WWP2: variants seen among roughly 807,000 people sequenced by gnomAD.
The protein encoded by WWP2 is WW domain containing E3 ubiquitin protein ligase 2.
In WWP2, 57 loss-of-function variants were observed where a neutral mutation model predicts 121.0. The ratio of observed to expected loss-of-function variants is 0.47; its 90% CI spans 0.38 to 0.59. The LOEUF is 0.59. Among genes scored for constraint, WWP2 ranks in the 20% least tolerant of loss-of-function variants. WWP2 has a pLI of 0.00. For synonymous variants in WWP2, 449 were observed against 441.3 expected (o/e 1.02, Z -0.22); for missense variants, 962 against 1,158.9 (o/e 0.83, Z 2.47).
chr16:69,874,597 T>C (rs936415059), intron 7 of WWP2, among the ~76,000 whole-genome samples: 3 of 152,256 alleles, frequency 2.0e-5, no homozygotes, highest in Admixed American at 6.5e-5. Context: ...TCTGTATAAA[T>C]ATTATATTTC....
intron 4 of WWP2, among the ~76,000 whole-genome samples, chr16:69,835,866 G>T (rs749522041): frequency 1.0e-3 from 153 of 150,488 alleles, no homozygotes; most frequent in Non-Finnish European, 1.8e-3. Flanking sequence ...GTGGTGGCAC[G>T]ATCCTGGCTC....
intron 1 of WWP2, among the ~76,000 whole-genome samples, chr16:69,778,144 T>C (rs1039686368): frequency 6.9e-5 from 10 of 145,718 alleles, no homozygotes; most frequent in Admixed American, 4.9e-4. Flanking sequence ...CACACACACA[T>C]ATATACATAC....
intron 4 of WWP2, among the ~76,000 whole-genome samples, chr16:69,833,819 C>A (rs1337871019): frequency 6.6e-6 from 1 of 152,174 alleles, no homozygotes; most frequent in Non-Finnish European, 1.5e-5. Context: ...CTGTTTGCAG[C>A]CCCTGCCTGT....
Position 69,806,581 on chromosome 16 carries a change from T to C in WWP2, c.340+7286T>C, listed in dbSNP as rs563645829. Among the ~76,000 whole-genome samples the C allele has an allele frequency of 2.3e-4, 35 of 152,198 alleles. No homozygotes were observed. In the South Asian group the frequency reaches 2.7e-3, roughly 12 times the overall value. ...CTTTGATGACTTTTTTTTTCAGTTTTCCCCCCCATAATTACTGGTTTGTTC... is the reference window on the plus strand; with the variant it reads ...CTTTGATGACTTTTTTTTTCAGTTTCCCCCCCCATAATTACTGGTTTGTTC... On this transcript the variant is annotated intron_variant, in intron 4 of 23. Coordinates refer to ENST00000359154, the MANE Select transcript of WWP2 (RefSeq NM_001270454.2).
intron 1 of WWP2, among the ~76,000 whole-genome samples, chr16:69,770,978 A>G (rs1018276545): frequency 8.6e-5 from 13 of 151,978 alleles, no homozygotes; most frequent in Non-Finnish European, 1.5e-5. Flanking sequence ...ATTAAAAAAA[A>G]AAAAAAAAGG....
Position 69,806,953 on chromosome 16 carries a change from T to TATTCATTC in WWP2, c.340+7690_340+7697dup, listed in dbSNP as rs200681828. On this transcript the variant is annotated intron_variant, in intron 4 of 23. Transcript: ENST00000359154. ...GATCTGTTTTATTTATTTATTTATT[T>TATTCATTC]ATTCATTCATTCATTCATTCATTCA... Among the ~76,000 whole-genome samples, 1,297 of 146,162 alleles carry TATTCATTC rather than the reference T, an allele frequency of 8.9e-3. 8 individuals carry two copies. Among genetic ancestry groups the TATTCATTC allele is most frequent in the Non-Finnish European group, 0.011 (716 of 66,634 alleles).
chr16:69,776,631 A>G (rs1465925514), intron 1 of WWP2, among the ~76,000 whole-genome samples: 1 of 152,140 alleles, frequency 6.6e-6, no homozygotes, highest in East Asian at 1.9e-4. Context: ...GGTGTTCGAG[A>G]CCAGCCTTAA....
intron 9 of WWP2, among the ~76,000 whole-genome samples, chr16:69,915,452 C>A (rs1477655919): frequency 1.3e-5 from 2 of 152,128 alleles, no homozygotes; most frequent in African/African-American, 4.8e-5. Context: ...GTGGTGCACA[C>A]CTGAGACTAC....
chr16:69,831,803 T>A (rs1160118696), intron 4 of WWP2, among the ~76,000 whole-genome samples: 1 of 151,616 alleles, frequency 6.6e-6, no homozygotes, highest in Non-Finnish European at 1.5e-5. Context: ...ACCTTAGGCA[T>A]GCTGGCATGG....
chr16:69,821,933 A>G (rs1427616706), intron 4 of WWP2, among the ~76,000 whole-genome samples: 1 of 151,838 alleles, frequency 6.6e-6, no homozygotes, highest in Non-Finnish European at 1.5e-5. Context: ...GTGCAGTGCC[A>G]TCATAGCTCA....
intron 10 of WWP2, among the ~76,000 whole-genome samples, chr16:69,922,993 G>A (rs540001924): frequency 1.1e-4 from 16 of 152,128 alleles, no homozygotes; most frequent in African/African-American, 3.9e-4. Flanking sequence ...GGGTTTAAGC[G>A]ATTATCCTGC....
At chr16:69,814,232 G>A (rs2056448486) in intron 4 of WWP2, among the ~76,000 whole-genome samples, 1 of 152,064 alleles carries the variant, frequency 6.6e-6, no homozygotes, top group Admixed American at 6.6e-5. Flanking sequence ...GTGATCATAG[G>A]TAACTGTAGC....
intron 4 of WWP2, among the ~76,000 whole-genome samples, chr16:69,801,536 A>T (rs1381706943): frequency 1.3e-5 from 2 of 151,608 alleles, no homozygotes; most frequent in Non-Finnish European, 2.9e-5. Flanking sequence ...CGTCTGGCCA[A>T]TTAATTAATT....
chr16:69,940,007 A>T lies in WWP2; in HGVS notation c.*67A>T. 7.3e-7 allele frequency: 1 copy of T among 1,366,418 alleles called. No individual in the cohort carries two copies. Among genetic ancestry groups the T allele is most frequent in the Non-Finnish European group, 1.0e-6 (1 of 982,998 alleles). The allele number at this position is 1,366,418 out of a possible 1,614,324, so 84.6% of individuals were successfully genotyped here. A position where few individuals can be genotyped will look rare whatever the true frequency, so the allele number is the denominator to read the frequency against. On this transcript the variant is annotated 3_prime_UTR_variant, in exon 24 of 24. Coordinates refer to ENST00000359154, the MANE Select transcript of WWP2 (RefSeq NM_001270454.2). ...CTGAGTCCTCCCTGCCTGAGAGGCC[A>T]CTGGCCCCGCAGCCCTTGGGAGGCC...
intron 4 of WWP2, among the ~76,000 whole-genome samples, chr16:69,802,632 G>A (rs1263723253): frequency 6.8e-6 from 1 of 147,890 alleles, no homozygotes; most frequent in African/African-American, 2.5e-5. Context: ...ACAGGGTCTC[G>A]CACTGTCGCT....
chr16:69,815,473 C>T (rs1476792539), intron 4 of WWP2, among the ~76,000 whole-genome samples: 1 of 150,146 alleles, frequency 6.7e-6, no homozygotes, highest in South Asian at 2.1e-4. Context: ...CAGAGTGAGA[C>T]CCTGTCTCTT....
chr16:69,770,859 G>T (rs554946885), intron 1 of WWP2, among the ~76,000 whole-genome samples: 4 of 152,028 alleles, frequency 2.6e-5, no homozygotes, highest in Non-Finnish European at 4.4e-5. Flanking sequence ...GGGGCTGGGC[G>T]TGGTGGCTCA....
At chr16:69,766,199 G>A (rs376502752) in intron 1 of WWP2, among the ~76,000 whole-genome samples, 1 of 151,990 alleles carries the variant, frequency 6.6e-6, no homozygotes, top group Non-Finnish European at 1.5e-5. Context: ...AAAGACCTTG[G>A]AGTCACCCTT....
chr16:69,925,202 C>A lies in WWP2; in HGVS notation c.1180-228C>A. 7.3e-7 allele frequency: 1 copy of A among 1,379,214 alleles called. No individual in the cohort carries two copies. The highest frequency in any genetic ancestry group is 3.0e-5 in the Admixed American group (1 of 33,696). 85.4% of individuals were successfully genotyped at this position (1,379,214 alleles called of 1,614,324 possible). Reference sequence around the variant, plus strand: ...GTCGCTCTGCCTTTTCCAAAACTCACTTGGGCCCTCCGTGCGCAGGGTTCT... The same window carrying A: ...GTCGCTCTGCCTTTTCCAAAACTCAATTGGGCCCTCCGTGCGCAGGGTTCT... On this transcript the variant is annotated intron_variant, in intron 10 of 23. Coordinates refer to ENST00000359154, the MANE Select transcript of WWP2 (RefSeq NM_001270454.2). The surrounding 1 kb of genome is among the most constrained non-coding windows in gnomAD (Gnocchi z 4.0).
Sources: allele counts gnomAD v4.1 joint callset (sites outside exome capture counted in the v4.1 genomes callset), GRCh38; gene constraint gnomAD v4.1.1; non-coding constraint Gnocchi (gnomAD v3.1); transcripts MANE v1.5; gene names NCBI Gene and HGNC (gene_info 2026-07-23, HGNC 2026-07-21).